Variants in PCSK5 observed in about 807,000 individuals in gnomAD.
PCSK5 encodes proprotein convertase subtilisin/kexin type 5.
A neutral mutation model predicts 233.2 loss-of-function variants in PCSK5; 129 were observed. That is an observed-to-expected ratio of 0.55 (90% confidence interval 0.48 to 0.64). The LOEUF is 0.64. Among genes scored for constraint, PCSK5 ranks in the 30% least tolerant of loss-of-function variants. The pLI is 0.00. For synonymous variants in PCSK5, 825 were observed against 879.2 expected, an observed-to-expected ratio of 0.94 and a Z score of 1.09; for missense variants, 2,076 against 2,430.1, an observed-to-expected ratio of 0.85 and a Z score of 3.06.
intron 2 of PCSK5, among the ~76,000 whole-genome samples, chr9:75,955,795 C>T (rs1040391375): frequency 1.3e-5 from 2 of 152,142 alleles, no homozygotes; most frequent in African/African-American, 4.8e-5. Context: ...AAGTTTTTGT[C>T]AGACAGGGTT....
At chr9:76,319,177 A>G (rs1829116456) in intron 30 of PCSK5, among the ~76,000 whole-genome samples, 1 of 152,036 alleles carries the variant, frequency 6.6e-6, no homozygotes, top group African/African-American at 2.4e-5. Flanking sequence ...TAAGATGTAC[A>G]TTGTAGGCCG....
chr9:76,122,230 T>C (rs550783921), intron 9 of PCSK5, among the ~76,000 whole-genome samples: 1 of 152,102 alleles, frequency 6.6e-6, no homozygotes, highest in South Asian at 2.1e-4. Context: ...TTGAGATTTA[T>C]CAGTAATTTT....
chr9:76,296,365 G>A (rs891123109), intron 26 of PCSK5, among the ~76,000 whole-genome samples: 1 of 152,136 alleles, frequency 6.6e-6, no homozygotes, highest in Non-Finnish European at 1.5e-5. Flanking sequence ...TGGCCAACAT[G>A]GTGAAACCCC....
chr9:76,158,477 A>C (rs1822702047), intron 11 of PCSK5, among the ~76,000 whole-genome samples: 1 of 152,186 alleles, frequency 6.6e-6, no homozygotes, highest in Non-Finnish European at 1.5e-5. Context: ...GCTAGAGAGG[A>C]AGATGAGAAC....
At chr9:76,204,929 C>T (rs894265634) in intron 20 of PCSK5, among the ~76,000 whole-genome samples, 2 of 152,122 alleles carry the variant, frequency 1.3e-5, no homozygotes, top group South Asian at 4.1e-4. Context: ...TGAGTTACTG[C>T]AACCTTTGTG....
chr9:76,097,801 G>A (rs950289513), intron 8 of PCSK5, among the ~76,000 whole-genome samples: 1 of 152,204 alleles, frequency 6.6e-6, no homozygotes, highest in Non-Finnish European at 1.5e-5. Context: ...CTAACTTTTC[G>A]GGGATGCCCA....
intron 37 of PCSK5, among the ~76,000 whole-genome samples, chr9:76,356,816 T>C (rs1004183730): frequency 1.3e-5 from 2 of 152,242 alleles, no homozygotes; most frequent in African/African-American, 4.8e-5. Flanking sequence ...AGCAGTGTTA[T>C]ATTCATTTAT....
chr9:76,342,277 C>G (rs1441584458), intron 35 of PCSK5, among the ~76,000 whole-genome samples: 1 of 152,210 alleles, frequency 6.6e-6, no homozygotes, highest in Middle Eastern at 3.4e-3. Context: ...TATTGCCCAG[C>G]CTCACTCTAC....
At chr9:76,116,277 A>G (rs907457343) in intron 9 of PCSK5, among the ~76,000 whole-genome samples, 3 of 152,132 alleles carry the variant, frequency 2.0e-5, no homozygotes, top group Non-Finnish European at 2.9e-5. Flanking sequence ...CATGTAACAC[A>G]AAAAGAAAGA....
At chr9:76,113,106 C>T (rs1732134000) in intron 9 of PCSK5, among the ~76,000 whole-genome samples, 1 of 152,156 alleles carries the variant, frequency 6.6e-6, no homozygotes, top group African/African-American at 2.4e-5. Context: ...ACTTCTTTCT[C>T]CCATACTGCC....
chr9:75,906,289 A>G (rs1826261248), intron 1 of PCSK5, among the ~76,000 whole-genome samples: 1 of 151,992 alleles, frequency 6.6e-6, no homozygotes, highest in South Asian at 2.1e-4. Context: ...GCAGTGGCGC[A>G]ATCTCGGCTC....
chr9:76,039,824 C>T (rs555628097), intron 5 of PCSK5, among the ~76,000 whole-genome samples: 1 of 152,222 alleles, frequency 6.6e-6, no homozygotes, highest in Non-Finnish European at 1.5e-5. Flanking sequence ...GCTGCTTTTG[C>T]CTTGGGCTAT....
In PCSK5 at chr9:76,027,053, G is replaced by C. The variant is rs1423285163; in HGVS notation, c.632+16G>C. The C allele has an allele frequency of 6.4e-7, 1 of 1,571,138 alleles. No individual in the cohort carries two copies. The highest frequency in any genetic ancestry group is 8.7e-7 in the Non-Finnish European group (1 of 1,146,192). On this transcript the variant is annotated intron_variant, in intron 5 of 37. Coordinates refer to ENST00000674117, the MANE Select transcript of PCSK5 (RefSeq NM_001372043.1). ...ACGAGAACAAGTAAGGCCCAAGTGA[G>C]GGGTGGCTGGCATGTGGCTGGCAAG...
At chr9:75,973,745 C>G (rs1449490607) in intron 2 of PCSK5, among the ~76,000 whole-genome samples, 1 of 152,164 alleles carries the variant, frequency 6.6e-6, no homozygotes, top group African/African-American at 2.4e-5. Flanking sequence ...ATTTGACAGC[C>G]CTTCCTCAAG....
At chr9:76,276,022 G>T (rs963592025) in intron 24 of PCSK5, among the ~76,000 whole-genome samples, 1 of 152,130 alleles carries the variant, frequency 6.6e-6, no homozygotes, top group African/African-American at 2.4e-5. Flanking sequence ...TTCACTGCTG[G>T]GTGCTCCTCT....
chr9:76,290,752 T>C (rs1828252895), intron 24 of PCSK5, among the ~76,000 whole-genome samples: 1 of 152,228 alleles, frequency 6.6e-6, no homozygotes, highest in Non-Finnish European at 1.5e-5. Flanking sequence ...ATCTTTGGTC[T>C]CTTGCAATTA....
intron 1 of PCSK5, among the ~76,000 whole-genome samples, chr9:75,919,619 T>C (rs1175656889): frequency 6.6e-6 from 1 of 152,186 alleles, no homozygotes; most frequent in African/African-American, 2.4e-5. Context: ...TCCTTTTATT[T>C]TTATCTGATT....
chr9:76,087,726 G>A (rs543541652), intron 7 of PCSK5, among the ~76,000 whole-genome samples: 60 of 152,298 alleles, frequency 3.9e-4, no homozygotes, highest in African/African-American at 1.4e-3. Flanking sequence ...TAACTTCAGT[G>A]CATCATTAAA....
At chr9:75,926,883 C>T (rs118012652) in intron 1 of PCSK5, among the ~76,000 whole-genome samples, 2,743 of 152,190 alleles carry the variant, frequency 0.018, 39 homozygotes, top group South Asian at 0.036. Context: ...TATTGATGGA[C>T]ATTTGCATTG....
Sources: allele counts gnomAD v4.1 joint callset (sites outside exome capture counted in the v4.1 genomes callset), GRCh38; gene constraint gnomAD v4.1.1; transcripts MANE v1.5; gene names NCBI Gene and HGNC (gene_info 2026-07-23, HGNC 2026-07-21).